Variants in LRCH1 observed in about 807,000 individuals in gnomAD.
LRCH1 encodes the protein leucine rich repeats and calponin homology domain containing 1, also known as leucine-rich repeat and calponin homology domain-containing protein 1.
In LRCH1, 23 loss-of-function variants were observed where a neutral mutation model predicts 94.9. That is an observed-to-expected ratio of 0.24 (90% CI 0.17 to 0.34). The LOEUF is 0.34. Among genes scored for constraint, LRCH1 ranks in the 10% least tolerant of loss-of-function variants. The pLI is 1.00. For synonymous variants in LRCH1, 364 were observed against 354.9 expected, an observed-to-expected ratio of 1.03 and a Z score of -0.29; for missense variants, 790 against 945.9, an observed-to-expected ratio of 0.84 and a Z score of 2.16.
At position 46,553,668 on chromosome 13, in the gene LRCH1, C is replaced by G; in HGVS notation, c.272C>G (p.Ala91Gly). The G allele has an allele frequency of 2.5e-6, 4 of 1,609,658 alleles. No homozygotes were observed. The highest frequency in any genetic ancestry group is 2.5e-6 in the Non-Finnish European group (3 of 1,178,974). Residue 91 changes from alanine (A) to glycine (G), a missense_variant, in exon 1 of 20, where the codon GCC becomes GGC. Transcript: ENST00000389797. ...TTGAAGGAATTTCCCCGTACCGCAG[C>G]CCCCGGGCACGACCTCTCGGACACG... ...RKLKEFPRTAAPGHDLSDTVQ... is the reference protein window; with the variant it reads ...RKLKEFPRTAGPGHDLSDTVQ...
intron 3 of LRCH1, among the ~76,000 whole-genome samples, chr13:46,672,716 C>T (rs1300359167): frequency 6.6e-6 from 1 of 152,218 alleles, no homozygotes; most frequent in African/African-American, 2.4e-5. Flanking sequence ...GAGGGCTGCC[C>T]TGCATTACAG....
At position 46,743,798 on chromosome 13, in the gene LRCH1, A is replaced by T; in HGVS notation, c.*1950A>T. On this transcript the variant is annotated 3_prime_UTR_variant, in exon 20 of 20. Transcript: ENST00000389797. ...ATAATATCAATAAAAACTGAGTAGG[A>T]CACTCATGTAAGAGTAGATTTAATT... 2 of 983,866 alleles carry T rather than the reference A, an allele frequency of 2.0e-6. No individual in the cohort carries two copies. Among genetic ancestry groups the T allele is most frequent in the Non-Finnish European group, 2.4e-6 (2 of 828,502 alleles). The allele number at this position is 983,866 out of a possible 1,614,324, so 60.9% of individuals were successfully genotyped here.
At chr13:46,671,971 T>G (rs907077110) in intron 3 of LRCH1, among the ~76,000 whole-genome samples, 53 of 152,222 alleles carry the variant, frequency 3.5e-4, no homozygotes, top group African/African-American at 1.2e-3. Context: ...ACTCTTGGTG[T>G]TGTACATTCT....
chr13:46,718,635 C>T (rs563749921), intron 16 of LRCH1, among the ~76,000 whole-genome samples: 165 of 152,190 alleles, frequency 1.1e-3, no homozygotes, highest in African/African-American at 3.8e-3. Flanking sequence ...TTGAGGACAC[C>T]GAATGTGTCC....
chr13:46,722,050 T>A (rs1250028681), intron 16 of LRCH1, among the ~76,000 whole-genome samples: 5 of 152,234 alleles, frequency 3.3e-5, no homozygotes, highest in Non-Finnish European at 7.3e-5. Flanking sequence ...TAAATCATAT[T>A]TAATTTCTAG....
intron 11 of LRCH1, 63 bp downstream of exon 11, chr13:46,701,270 A>G (rs1265225930): frequency 4.2e-6 from 5 of 1,181,060 alleles, no homozygotes; most frequent in Non-Finnish European, 6.3e-6. Flanking sequence ...TATGGAGTAC[A>G]TTGTCTAAAT....
At chr13:46,638,219 T>C (rs2051115912) in intron 1 of LRCH1, among the ~76,000 whole-genome samples, 2 of 152,226 alleles carry the variant, frequency 1.3e-5, no homozygotes, top group Non-Finnish European at 2.9e-5. Flanking sequence ...TAAAATTTAC[T>C]TTCTTATGGG....
At chr13:46,560,384 T>C (rs1022107824) in intron 1 of LRCH1, among the ~76,000 whole-genome samples, 1 of 152,160 alleles carries the variant, frequency 6.6e-6, no homozygotes, top group African/African-American at 2.4e-5. Flanking sequence ...TCAGAATTTC[T>C]TGGGCTTTTT....
At chr13:46,620,819 A>T (rs2050870881) in intron 1 of LRCH1, among the ~76,000 whole-genome samples, 2 of 152,238 alleles carry the variant, frequency 1.3e-5, no homozygotes, top group African/African-American at 4.8e-5. Flanking sequence ...ACATTGAGTA[A>T]ATCATTGACT....
At chr13:46,723,159 A>G in intron 16 of LRCH1, 62 bp from the exon 17 acceptor site, 2 of 814,232 alleles carry the variant, frequency 2.5e-6, no homozygotes, top group East Asian at 2.6e-5. Context: ...TTTGATTTTA[A>G]TATGAATAGC....
intron 16 of LRCH1, chr13:46,717,556 C>G (rs1367458566): frequency 6.6e-6 from 1 of 152,106 alleles, no homozygotes. Flanking sequence ...TTTAGGTTCC[C>G]AGATCTGACT....
intron 16 of LRCH1, among the ~76,000 whole-genome samples, chr13:46,718,897 A>AT (rs1233831321): frequency 6.6e-6 from 1 of 152,272 alleles, no homozygotes; most frequent in Non-Finnish European, 1.5e-5. Context: ...AGGTATAAAT[A>AT]TTTTTCATAT....
chr13:46,613,118 G>A (rs1448355614), intron 1 of LRCH1, among the ~76,000 whole-genome samples: 3 of 152,178 alleles, frequency 2.0e-5, no homozygotes, highest in African/African-American at 4.8e-5. Flanking sequence ...AGGGCTGGGC[G>A]TGGTGGCTCA....
intron 1 of LRCH1, among the ~76,000 whole-genome samples, chr13:46,614,516 G>C (rs1393535414): frequency 1.3e-5 from 2 of 152,224 alleles, no homozygotes; most frequent in Non-Finnish European, 2.9e-5. Context: ...ACTGTTCTTA[G>C]AGGGAAAAGC....
chr13:46,615,280 G>T (rs1459497615), intron 1 of LRCH1, among the ~76,000 whole-genome samples: 1 of 152,208 alleles, frequency 6.6e-6, no homozygotes, highest in Admixed American at 6.5e-5. Context: ...AGAAGGCTAA[G>T]GGGGAGCAGG....
At position 46,575,846 on chromosome 13, in the gene LRCH1, A is replaced by G. The variant is rs188647724; in HGVS notation, c.307+22143A>G. On this transcript the variant is annotated intron_variant, in intron 1 of 19. Coordinates refer to ENST00000389797, the MANE Select transcript of LRCH1 (RefSeq NM_001164211.2). ...AAGCTCTTTTTGGCTAAAATGAGAG[A>G]ATGAAGCAGGCTCCTGAGTCCTTGA... 3.7e-4 allele frequency among the ~76,000 whole-genome samples: 56 copies of G among 152,250 alleles called. 1 individual carries two copies. In the East Asian group the frequency reaches 7.1e-3, roughly 19 times the overall value.
intron 18 of LRCH1, among the ~76,000 whole-genome samples, chr13:46,730,717 C>T (rs1873059585): frequency 6.6e-6 from 1 of 152,148 alleles, no homozygotes; most frequent in Non-Finnish European, 1.5e-5. Context: ...ATGAAACACT[C>T]CAGTATCTTT....
chr13:46,569,517 C>A (rs181863767), intron 1 of LRCH1, among the ~76,000 whole-genome samples: 223 of 152,254 alleles, frequency 1.5e-3, no homozygotes, highest in Non-Finnish European at 2.5e-3. Flanking sequence ...CTGGTTGTAT[C>A]GTGTAGCACC....
chr13:46,699,465 G>T (rs1465986200), intron 10 of LRCH1, 62 bp downstream of exon 10: 1 of 1,436,070 alleles, frequency 7.0e-7, no homozygotes, highest in Admixed American at 1.7e-5. Context: ...AAGCAGTCTG[G>T]CAGTTCTGTT....
Sources: gnomAD v4.1 joint callset for allele counts (sites outside exome capture counted in the v4.1 genomes callset) on GRCh38, gnomAD v4.1.1 for gene constraint, MANE v1.5 for transcripts, NCBI Gene and HGNC (gene_info 2026-07-23, HGNC 2026-07-21) for gene names.